RRBP1: variants seen among roughly 807,000 people sequenced by gnomAD.
The protein encoded by RRBP1 is ribosome-binding protein 1.
Under a neutral mutation model 165.2 loss-of-function variants are expected in RRBP1, and 94 were observed. That is an observed-to-expected ratio of 0.57 (90% CI 0.48 to 0.68). The LOEUF is 0.68. RRBP1 is among the 30% of genes least tolerant of loss of function. RRBP1 has a pLI of 0.00. For synonymous variants in RRBP1, 680 were observed against 714.5 expected (o/e 0.95, Z 0.77); for missense variants, 1,676 against 1,763.0 (o/e 0.95, Z 0.88).
chr20:17,669,297 T>C (rs565694061), intron 2 of RRBP1, among the ~76,000 whole-genome samples: 2 of 152,352 alleles, frequency 1.3e-5, no homozygotes, highest in Non-Finnish European at 2.9e-5. Flanking sequence ...CTTTGGAAAG[T>C]AGGTACTTAA....
Position 17,659,657 on chromosome 20 carries a change from C to A in RRBP1, c.851G>T (p.Gly284Val), listed in dbSNP as rs542490648. 1.9e-6 allele frequency: 3 copies of A among 1,550,278 alleles called. No individual in the cohort carries two copies. The highest frequency in any genetic ancestry group is 2.6e-6 in the Non-Finnish European group (3 of 1,146,968). Residue 284 changes from glycine (G) to valine (V), a missense_variant, in exon 3 of 25, where the codon GGG becomes GTG. Physicochemically the swap from Gly to Val is moderately radical, Grantham distance 109. Coordinates refer to ENST00000377813, the MANE Select transcript of RRBP1 (RefSeq NM_001365613.2). ...TTPNQGKKVE[G>V]APTQGRKAEG... ...GGCCTTTCTGCCCTGGGTTGGGGCCCCCTCCACCTTTTTCCCCTGGTTTGG... is the reference window on the plus strand; with the variant it reads ...GGCCTTTCTGCCCTGGGTTGGGGCCACCTCCACCTTTTTCCCCTGGTTTGG...
chr20:17,653,989 A>G (rs1194551732), intron 3 of RRBP1, among the ~76,000 whole-genome samples: 2 of 152,214 alleles, frequency 1.3e-5, no homozygotes, highest in African/African-American at 2.4e-5. Flanking sequence ...AGCACACTGC[A>G]CAGTTAAACA....
chr20:17,621,940 G>A lies in RRBP1; in HGVS notation c.3155C>T (p.Ser1052Leu), dbSNP rs565633210. 1.0e-5 allele frequency: 16 copies of A among 1,584,358 alleles called. No individual in the cohort carries two copies. The highest frequency in any genetic ancestry group is 1.7e-5 in the Admixed American group (1 of 59,850). ...CTCAATCAGACAGAGCTGCTTCTCC[G>A]ATTCCTCCTGGGGGGTGGGTGGGGA... ...LLSLTQAKEE[S>L]EKQLCLIEAQ... Residue 1052 changes from serine (S) to leucine (L), a missense_variant, in exon 14 of 25, where the codon TCG becomes TTG. By Grantham distance (145) the Ser-to-Leu change is moderately radical. This residue lies in a region of RRBP1 where 1,184 missense variants were observed against 1,167.1 expected (regional missense o/e 1.01). Coordinates refer to ENST00000377813, the MANE Select transcript of RRBP1 (RefSeq NM_001365613.2).
intron 12 of RRBP1, 136 bp from the exon 13 acceptor site, chr20:17,624,804 A>G: frequency 1.5e-6 from 1 of 660,404 alleles, no homozygotes. Flanking sequence ...ACGGGACAAA[A>G]TGCCCCTTCC....
At chr20:17,664,806 G>A (rs2036837855) in intron 2 of RRBP1, among the ~76,000 whole-genome samples, 1 of 152,280 alleles carries the variant, frequency 6.6e-6, no homozygotes, top group East Asian at 1.9e-4. Flanking sequence ...GAAGCTGTGG[G>A]GTAGGGGTGG....
chr20:17,615,898 G>A (rs1424194006), intron 22 of RRBP1, 28 bp downstream of exon 22: 3 of 1,594,230 alleles, frequency 1.9e-6, no homozygotes, highest in East Asian at 2.2e-5. Context: ...GGCTGATGGG[G>A]GCTGAGAGCC....
intron 8 of RRBP1, among the ~76,000 whole-genome samples, chr20:17,630,539 A>G (rs372364413): frequency 1.3e-5 from 2 of 152,344 alleles, no homozygotes; most frequent in South Asian, 2.1e-4. Context: ...CACTCAGGAC[A>G]GACAGGCCCA....
chr20:17,614,505 C>A lies in RRBP1; in HGVS notation c.4194+232G>T, dbSNP rs2035753609. 2.0e-5 allele frequency among the ~76,000 whole-genome samples: 3 copies of A among 152,250 alleles called. 1 individual carries two copies. The South Asian group carries it at 6.2e-4, about 32-fold the overall frequency. ...GGCCAGCAGGGGGATCAGACACTCG[C>A]TTCCCAGCAAGGGAACCCCAGAAGG... is the stretch of plus-strand genomic sequence containing the variant. On this transcript the variant is annotated intron_variant, in intron 24 of 24. Transcript: ENST00000377813.
chr20:17,636,017 CCT>C (rs1024609332), intron 6 of RRBP1, among the ~76,000 whole-genome samples: 12 of 152,348 alleles, frequency 7.9e-5, no homozygotes, highest in East Asian at 7.7e-4. Context: ...CTCTAACCCC[CCT>C]GAGGAAGCCT....
chr20:17,633,613 C>A lies in RRBP1; in HGVS notation c.2457G>T (p.Lys819Asn). 4 of 1,613,538 alleles carry A rather than the reference C, an allele frequency of 2.5e-6. No homozygotes were observed. Among genetic ancestry groups the A allele is most frequent in the Non-Finnish European group, 3.4e-6 (4 of 1,179,820 alleles). The change falls in exon 8 of 25, where the codon AAG becomes AAT. Residue 819 changes from lysine (K) to asparagine (N), a missense_variant and splice_region_variant. By Grantham distance (94) the Lys-to-Asn change is moderately conservative. This residue lies in a region of RRBP1 where 1,184 missense variants were observed against 1,167.1 expected (regional missense o/e 1.01). Coordinates refer to ENST00000377813, the MANE Select transcript of RRBP1 (RefSeq NM_001365613.2). ...GAAGCTTGGCCAGCTCTGCGTTCTG[C>A]CTGCAAGACAGTCACCAGCCCGACT... is the stretch of plus-strand genomic sequence containing the variant. ...LNQATSQVES[K>N]QNAELAKLRQ...
At chr20:17,667,838 T>A (rs2036899634) in intron 2 of RRBP1, among the ~76,000 whole-genome samples, 1 of 152,230 alleles carries the variant, frequency 6.6e-6, no homozygotes, top group Non-Finnish European at 1.5e-5. Context: ...CTCTTCTTCA[T>A]AAACTTTCTC....
intron 5 of RRBP1, 115 bp from the exon 6 acceptor site, chr20:17,636,844 T>A (rs2036257911): frequency 7.7e-7 from 1 of 1,301,302 alleles, no homozygotes; most frequent in South Asian, 1.3e-5. Context: ...CACAGACCCC[T>A]CCTGCTGGCC....
chr20:17,681,139 G>A (rs1600198383), intron 1 of RRBP1, among the ~76,000 whole-genome samples: 1 of 150,988 alleles, frequency 6.6e-6, no homozygotes, highest in East Asian at 2.0e-4. Flanking sequence ...GCGCTTGGCC[G>A]GCCCGGAGGT....
At chr20:17,618,822 C>A in intron 19 of RRBP1, 143 bp from the exon 20 acceptor site, 1 of 649,962 alleles carries the variant, frequency 1.5e-6, no homozygotes, top group African/African-American at 1.8e-5. Flanking sequence ...CGGGCCGGCA[C>A]AGGGCTCGCC....
intron 2 of RRBP1, among the ~76,000 whole-genome samples, chr20:17,668,903 G>T (rs552206076): frequency 1.3e-5 from 2 of 152,140 alleles, no homozygotes; most frequent in African/African-American, 2.4e-5. Flanking sequence ...TCCCTACCTT[G>T]TGAATGCACT....
chr20:17,663,630 C>A (rs1046417205), intron 2 of RRBP1, among the ~76,000 whole-genome samples: 1 of 152,310 alleles, frequency 6.6e-6, no homozygotes, highest in African/African-American at 2.4e-5. Flanking sequence ...GAAAAACAAC[C>A]TTTCTGCTGC....
intron 11 of RRBP1, among the ~76,000 whole-genome samples, chr20:17,626,738 C>G (rs1460706846): frequency 7.3e-6 from 1 of 137,128 alleles, no homozygotes; most frequent in Admixed American, 7.9e-5. Flanking sequence ...CGGCCCCTGA[C>G]TCGAGCCACC....
At chr20:17,642,949 T>C (rs769716744) in intron 4 of RRBP1, 30 bp downstream of exon 4, 2 of 1,607,944 alleles carry the variant, frequency 1.2e-6, no homozygotes, top group Non-Finnish European at 1.7e-6. Flanking sequence ...CAGTGGCCTC[T>C]GAGCATGGCC....
intron 9 of RRBP1, among the ~76,000 whole-genome samples, chr20:17,628,169 GTCC>G (rs2036069850): frequency 1.3e-5 from 2 of 152,116 alleles, no homozygotes; most frequent in Admixed American, 1.3e-4. Flanking sequence ...CCCTTGAGGT[GTCC>G]TCCTCCTCAG....
Sources: allele counts gnomAD v4.1 joint callset (sites outside exome capture counted in the v4.1 genomes callset), GRCh38; gene constraint gnomAD v4.1.1; regional missense constraint gnomAD v4.1.1; transcripts MANE v1.5; gene names NCBI Gene and HGNC (gene_info 2026-07-23, HGNC 2026-07-21).